EDIL3: variants seen among roughly 807,000 people sequenced by gnomAD.
EDIL3 encodes the protein EGF-like repeat and discoidin I-like domain-containing protein 3.
A neutral mutation model predicts 67.4 loss-of-function variants in EDIL3; 37 were observed. That is an observed-to-expected ratio of 0.55 (90% CI 0.42 to 0.72). EDIL3 has a LOEUF of 0.72. Ranked by LOEUF, EDIL3 falls within the 30% of genes least tolerant of loss-of-function variation. The pLI is 0.00. For synonymous variants in EDIL3, 195 were observed against 196.3 expected (o/e 0.99, Z 0.05); for missense variants, 527 against 586.3 (o/e 0.90, Z 1.04).
chr5:84,250,731 T>C (rs1189457685), intron 2 of EDIL3, among the ~76,000 whole-genome samples: 5 of 152,200 alleles, frequency 3.3e-5, no homozygotes, highest in African/African-American at 1.2e-4. Context: ...AGGATAAACA[T>C]AATTTTAAAA....
intron 6 of EDIL3, among the ~76,000 whole-genome samples, chr5:84,096,779 A>G (rs879514303): frequency 3.6e-4 from 55 of 152,318 alleles, no homozygotes; most frequent in Admixed American, 1.3e-3. Context: ...GCCCCCATCC[A>G]AATCTCATCT....
intron 9 of EDIL3, among the ~76,000 whole-genome samples, chr5:84,026,936 A>T (rs1687307931): frequency 6.6e-6 from 1 of 152,102 alleles, no homozygotes; most frequent in South Asian, 2.1e-4. Context: ...AAAATAAAAA[A>T]TACAAAAAAT....
chr5:84,112,929 T>C (rs1747588990), intron 5 of EDIL3, among the ~76,000 whole-genome samples: 1 of 152,168 alleles, frequency 6.6e-6, no homozygotes, highest in Non-Finnish European at 1.5e-5. Context: ...TCATTTTTAA[T>C]TAAAAATCAT....
chr5:84,043,532 C>CA (rs1244983880), intron 9 of EDIL3, among the ~76,000 whole-genome samples: 3 of 151,798 alleles, frequency 2.0e-5, no homozygotes, highest in Non-Finnish European at 4.4e-5. Context: ...CATGTTGATG[C>CA]AAAAAAAGGC....
chr5:84,281,137 A>G (rs1436836954), intron 1 of EDIL3, among the ~76,000 whole-genome samples: 1 of 152,130 alleles, frequency 6.6e-6, no homozygotes, highest in Non-Finnish European at 1.5e-5. Context: ...GAATCTTATA[A>G]GTTTTCTGAA....
At chr5:83,958,982 C>T (rs2112125162) in intron 10 of EDIL3, among the ~76,000 whole-genome samples, 1 of 151,216 alleles carries the variant, frequency 6.6e-6, no homozygotes, top group East Asian at 2.0e-4. Flanking sequence ...AGTGTCATCA[C>T]AGGCTCAATT....
intron 9 of EDIL3, among the ~76,000 whole-genome samples, chr5:83,984,919 C>T (rs1745032243): frequency 6.8e-6 from 1 of 147,984 alleles, no homozygotes; most frequent in Admixed American, 6.9e-5. Flanking sequence ...AGGTATGCTA[C>T]ATGCATGCAC....
chr5:83,975,604 C>A (rs770006658), intron 9 of EDIL3, among the ~76,000 whole-genome samples: 2 of 151,734 alleles, frequency 1.3e-5, no homozygotes, highest in Non-Finnish European at 2.9e-5. Context: ...AGGCTCAAAG[C>A]TGCTGACATT....
intron 1 of EDIL3, among the ~76,000 whole-genome samples, chr5:84,335,057 G>A (rs1428370513): frequency 1.3e-5 from 2 of 151,954 alleles, no homozygotes; most frequent in African/African-American, 2.4e-5. Flanking sequence ...CTTTACATAT[G>A]TTTTCATTAC....
intron 3 of EDIL3, among the ~76,000 whole-genome samples, chr5:84,220,875 T>C (rs1164570621): frequency 1.3e-5 from 2 of 152,132 alleles, no homozygotes; most frequent in East Asian, 1.9e-4. Context: ...ATGGCCACAG[T>C]AGCTGTTGGC....
rs147079613 is a variant in EDIL3 at position 84,375,261 on chromosome 5, C to T, written c.67+9047G>A. On this transcript the variant is annotated intron_variant, in intron 1 of 10. Transcript: ENST00000296591. ...CTGGGATTACAGGCATGTGCCACTG[C>T]GCCCAGCCTTCGAGTATTTCTTTAT... 9.7e-3 allele frequency among the ~76,000 whole-genome samples: 1,475 copies of T among 152,226 alleles called. 9 individuals carry two copies. The highest frequency in any genetic ancestry group is 0.014 in the Non-Finnish European group (948 of 68,016).
intron 3 of EDIL3, among the ~76,000 whole-genome samples, chr5:84,211,397 T>C (rs1003044353): frequency 6.6e-6 from 1 of 152,238 alleles, no homozygotes; most frequent in African/African-American, 2.4e-5. Context: ...GCCAGCACTA[T>C]GCTTCTTGTA....
intron 6 of EDIL3, among the ~76,000 whole-genome samples, chr5:84,084,581 A>G (rs1329550950): frequency 6.6e-6 from 1 of 152,178 alleles, no homozygotes; most frequent in East Asian, 1.9e-4. Context: ...TTCCAGCTGT[A>G]TCTCTGATTA....
chr5:84,320,190 AT>A (rs951387629), intron 1 of EDIL3, among the ~76,000 whole-genome samples: 3 of 152,132 alleles, frequency 2.0e-5, no homozygotes, highest in African/African-American at 7.2e-5. Flanking sequence ...CCCAAAAAAA[AT>A]GTTGCCTGCA....
intron 1 of EDIL3, among the ~76,000 whole-genome samples, chr5:84,303,860 G>T (rs1252769020): frequency 6.7e-6 from 1 of 150,274 alleles, no homozygotes; most frequent in Non-Finnish European, 1.5e-5. Flanking sequence ...TTGTGTGTGT[G>T]TGTGTGTGCA....
intron 6 of EDIL3, among the ~76,000 whole-genome samples, chr5:84,080,538 A>G (rs576519037): frequency 2.6e-5 from 4 of 152,178 alleles, no homozygotes; most frequent in Admixed American, 2.0e-4. Flanking sequence ...TTGTTCCCCA[A>G]TCTGTTTTCT....
chr5:84,307,000 C>A (rs1389728051), intron 1 of EDIL3, among the ~76,000 whole-genome samples: 1 of 152,222 alleles, frequency 6.6e-6, no homozygotes, highest in Non-Finnish European at 1.5e-5. Flanking sequence ...CCAGTATAAT[C>A]AACTAACTAC....
chr5:84,248,119 T>G (rs1159869634), intron 2 of EDIL3, among the ~76,000 whole-genome samples: 1 of 152,200 alleles, frequency 6.6e-6, no homozygotes, highest in Non-Finnish European at 1.5e-5. Flanking sequence ...AGCAAATAAA[T>G]AAATAGACAA....
chr5:84,057,378 A>T (rs1746466288), intron 9 of EDIL3, among the ~76,000 whole-genome samples: 3 of 146,256 alleles, frequency 2.1e-5, no homozygotes, highest in African/African-American at 5.1e-5. Context: ...GAGTCTACCA[A>T]CCTCCTGAGC....
Sources: allele counts gnomAD v4.1 joint callset (sites outside exome capture counted in the v4.1 genomes callset), GRCh38; gene constraint gnomAD v4.1.1; transcripts MANE v1.5; gene names NCBI Gene and HGNC (gene_info 2026-07-23, HGNC 2026-07-21).